Variants in TMEM182 observed in about 807,000 individuals in gnomAD.
TMEM182 encodes transmembrane protein 182.
Under a neutral mutation model 26.8 loss-of-function variants are expected in TMEM182, and 20 were observed. The ratio of observed to expected loss-of-function variants is 0.75; its 90% CI spans 0.53 to 1.09. The LOEUF is 1.09. TMEM182 is among the 50% of genes least tolerant of loss of function. TMEM182 has a pLI of 0.00. For missense variants in TMEM182, 277 were observed against 275.5 expected, an observed-to-expected ratio of 1.01 and a Z score of -0.04; for synonymous variants, 109 against 102.2, an observed-to-expected ratio of 1.07 and a Z score of -0.40.
intron 3 of TMEM182, among the ~76,000 whole-genome samples, chr2:102,796,163 G>A (rs887341944): frequency 2.6e-5 from 4 of 152,070 alleles, no homozygotes; most frequent in Non-Finnish European, 4.4e-5. Context: ...TTTGCTATTC[G>A]CACCTTTTAC....
At chr2:102,747,232 AGTCCTTCCTTTCTGCTG>A (rs1317864983) in intron 1 of TMEM182, among the ~76,000 whole-genome samples, 8 of 152,296 alleles carry the variant, frequency 5.3e-5, no homozygotes, top group Middle Eastern at 3.4e-3. Context: ...GTTGGAGATG[AGTCCTTCCTTTCTGCTG>A]GTCCTTCCTT....
intron 1 of TMEM182, among the ~76,000 whole-genome samples, chr2:102,749,177 TA>T (rs1312857512): frequency 6.6e-6 from 1 of 152,080 alleles, no homozygotes; most frequent in Non-Finnish European, 1.5e-5. Context: ...ACTTTAGCTT[TA>T]AAAATATAAT....
At chr2:102,777,470 G>T (rs879414554) in intron 3 of TMEM182, among the ~76,000 whole-genome samples, 10 of 150,334 alleles carry the variant, frequency 6.7e-5, no homozygotes, top group African/African-American at 9.8e-5. Context: ...TCTCTTTCTG[G>T]GCTCTCTTTT....
At chr2:102,795,203 A>G (rs1681818221) in intron 3 of TMEM182, among the ~76,000 whole-genome samples, 1 of 152,194 alleles carries the variant, frequency 6.6e-6, no homozygotes, top group African/African-American at 2.4e-5. Flanking sequence ...CCCAGTCTAT[A>G]GAAAATGGTT....
intron 1 of TMEM182, among the ~76,000 whole-genome samples, chr2:102,742,560 A>C (rs1390715801): frequency 6.6e-6 from 1 of 152,204 alleles, no homozygotes; most frequent in Non-Finnish European, 1.5e-5. Flanking sequence ...ACCAAACCAC[A>C]TGTATAGGTA....
At chr2:102,830,995 T>A (rs1329245133) in intron 3 of TMEM182, among the ~76,000 whole-genome samples, 2 of 152,240 alleles carry the variant, frequency 1.3e-5, no homozygotes, top group African/African-American at 2.4e-5. Flanking sequence ...TCACTTAACA[T>A]AATGATCCAG....
intron 3 of TMEM182, among the ~76,000 whole-genome samples, chr2:102,836,715 G>T (rs988996526): frequency 1.3e-5 from 2 of 152,148 alleles, no homozygotes; most frequent in Admixed American, 6.5e-5. Flanking sequence ...CTTGATTCTA[G>T]ATCTGTTAAA....
rs897927729 is a variant in TMEM182 at position 102,804,401 on chromosome 2, C to T, written c.469+6401C>T. On this transcript the variant is annotated intron_variant, in intron 4 of 4. Transcript: ENST00000412401. ...CTTAGCTTGCATATATTAGTGAAAACGTACAATGTTTGGTTTTCCATTCCT... is the reference window on the plus strand; with the variant it reads ...CTTAGCTTGCATATATTAGTGAAAATGTACAATGTTTGGTTTTCCATTCCT... 4.6e-5 allele frequency among the ~76,000 whole-genome samples: 7 copies of T among 152,106 alleles called. No individual in the cohort carries two copies. In the South Asian group the frequency reaches 8.3e-4, roughly 18 times the overall value.
chr2:102,806,251 C>G (rs1213148029), intron 4 of TMEM182, among the ~76,000 whole-genome samples: 1 of 151,782 alleles, frequency 6.6e-6, no homozygotes, highest in Admixed American at 6.6e-5. Flanking sequence ...TGTGCTTGAC[C>G]TAGGCTAACG....
intron 4 of TMEM182, among the ~76,000 whole-genome samples, chr2:102,804,722 T>C (rs1682282169): frequency 6.6e-6 from 1 of 152,082 alleles, no homozygotes; most frequent in Non-Finnish European, 1.5e-5. Flanking sequence ...AGAGCTCTGG[T>C]GTGTGGGAGG....
intron 3 of TMEM182, among the ~76,000 whole-genome samples, chr2:102,783,575 G>A (rs1681262258): frequency 6.6e-6 from 1 of 152,170 alleles, no homozygotes; most frequent in African/African-American, 2.4e-5. Flanking sequence ...AGCCAAGTCT[G>A]TAAAAGATGC....
intron 3 of TMEM182, among the ~76,000 whole-genome samples, chr2:102,785,693 A>G (rs1417185641): frequency 1.3e-5 from 2 of 152,242 alleles, no homozygotes; most frequent in East Asian, 3.8e-4. Flanking sequence ...CTGATACAGA[A>G]ATCGTAGAAA....
At chr2:102,803,759 G>A (rs1682239415) in intron 4 of TMEM182, among the ~76,000 whole-genome samples, 1 of 152,218 alleles carries the variant, frequency 6.6e-6, no homozygotes, top group South Asian at 2.1e-4. Context: ...GGATGTGGCG[G>A]CTGTCAGAGC....
At position 102,750,046 on chromosome 2, in the gene TMEM182, T is replaced by A. The variant is rs191955195; in HGVS notation, c.-82-8343T>A. 4.2e-3 allele frequency among the ~76,000 whole-genome samples: 632 copies of A among 152,158 alleles called. 5 individuals carry two copies. The highest frequency in any genetic ancestry group is 0.015 in the African/African-American group (609 of 41,526). ...TTTATAATAAATAAATGTTTTTTTT[T>A]AAATGAAGCAGGAAAAGATGGCTGC... On this transcript the variant is annotated intron_variant, in intron 1 of 5. Coordinates refer to the TMEM182 transcript ENST00000409173.
chr2:102,741,184 G>T (rs1332230556), intron 1 of TMEM182, among the ~76,000 whole-genome samples: 2 of 152,200 alleles, frequency 1.3e-5, no homozygotes, highest in Non-Finnish European at 2.9e-5. Flanking sequence ...TTACAGTCAA[G>T]ATCAGCTTAC....
intron 3 of TMEM182, among the ~76,000 whole-genome samples, chr2:102,793,833 T>A (rs879850742): frequency 9.2e-5 from 14 of 152,168 alleles, no homozygotes; most frequent in Non-Finnish European, 1.9e-4. Context: ...CCATACAAGC[T>A]AAGGGAAAGA....
At chr2:102,792,506 C>G (rs999177078) in intron 3 of TMEM182, among the ~76,000 whole-genome samples, 3 of 152,140 alleles carry the variant, frequency 2.0e-5, no homozygotes. Context: ...CTCAGTTTTA[C>G]TTTAGAGAGT....
intron 3 of TMEM182, among the ~76,000 whole-genome samples, chr2:102,765,627 T>C (rs1475691502): frequency 6.6e-6 from 1 of 152,244 alleles, no homozygotes; most frequent in African/African-American, 2.4e-5. Flanking sequence ...CTGTTAAATA[T>C]GTAATTCCAT....
At chr2:102,808,362 G>A (rs572816081) in intron 4 of TMEM182, among the ~76,000 whole-genome samples, 25 of 152,150 alleles carry the variant, frequency 1.6e-4, no homozygotes, top group African/African-American at 6.0e-4. Context: ...ATTAATGTTT[G>A]AGGAAGACAG....
Sources: gnomAD v4.1 joint callset for allele counts (sites outside exome capture counted in the v4.1 genomes callset) on GRCh38, gnomAD v4.1.1 for gene constraint, MANE v1.5 for transcripts, NCBI Gene and HGNC (gene_info 2026-07-23, HGNC 2026-07-21) for gene names.